NLRP9: variants seen among roughly 807,000 people sequenced by gnomAD.
NLRP9 encodes NACHT, LRR and PYD domains-containing protein 9.
Under a neutral mutation model 83.1 loss-of-function variants are expected in NLRP9, and 88 were observed. That is an observed-to-expected ratio of 1.06 (90% CI 0.89 to 1.26). The LOEUF (loss-of-function observed/expected upper bound fraction) is 1.26, where lower values mean the gene tolerates loss of function less well. Ranked by LOEUF, NLRP9 falls within the 50% of genes most tolerant of loss-of-function variation. The pLI, the probability that NLRP9 is intolerant of heterozygous loss-of-function variation, is 0.00. For synonymous variants in NLRP9, 521 were observed against 447.6 expected, an observed-to-expected ratio of 1.16 and a Z score of -2.07; for missense variants, 1,308 against 1,179.3, an observed-to-expected ratio of 1.11 and a Z score of -1.60.
At chr19:55,712,118 G>A in intron 7 of NLRP9, 148 bp from the exon 8 acceptor site, 2 of 802,510 alleles carry the variant, frequency 2.5e-6, no homozygotes, top group Non-Finnish European at 3.9e-6. Flanking sequence ...GTGCTCCTGG[G>A]GGACGTATGT....
intron 1 of NLRP9, 25 bp from the exon 2 acceptor site, chr19:55,733,575 A>G (rs779075841): frequency 7.6e-7 from 1 of 1,314,630 alleles, no homozygotes; most frequent in Non-Finnish European, 1.1e-6. Context: ...ACAGGATATA[A>G]GATAGGTAAA....
chr19:55,732,908 G>A lies in NLRP9; in HGVS notation c.923C>T (p.Ser308Phe), dbSNP rs762815278. Residue 308 changes from serine (S) to phenylalanine (F), a missense_variant, in exon 2 of 9, where the codon TCC (serine) becomes TTC (phenylalanine). Ser to Phe is a radical substitution (Grantham distance 155). Transcript: ENST00000332836. ...TTTGCTCTTCTCACCAAAGAAGTAG[G>A]AGAAATACGACTTCTTTTCAGATTC... ...FSESEKKSYF[S>F]YFFGEKSKAL... 5.0e-6 allele frequency: 8 copies of A among 1,613,904 alleles called. No individual in the cohort carries two copies. Among genetic ancestry groups the A allele is most frequent in the Non-Finnish European group, 5.9e-6 (7 of 1,179,974 alleles).
At chr19:55,721,687 C>G (rs1256175303) in intron 4 of NLRP9, among the ~76,000 whole-genome samples, 1 of 152,136 alleles carries the variant, frequency 6.6e-6, no homozygotes, top group Non-Finnish European at 1.5e-5. Context: ...AAATCTCATC[C>G]TGTAGCTCCC....
At chr19:55,718,673 A>G in intron 4 of NLRP9, among the ~76,000 whole-genome samples, 1 of 152,220 alleles carries the variant, frequency 6.6e-6, no homozygotes, top group East Asian at 1.9e-4. Flanking sequence ...GCCCAGCCAC[A>G]TTCCCCTCGC....
At chr19:55,712,019 TG>T (rs752376261) in intron 7 of NLRP9, 49 bp from the exon 8 acceptor site, 1 of 1,575,162 alleles carries the variant, frequency 6.3e-7, no homozygotes, top group South Asian at 1.1e-5. Context: ...TTGGGTAGGC[TG>T]GAAGGCACGC....
chr19:55,721,675 C>A (rs1490685855), intron 4 of NLRP9, among the ~76,000 whole-genome samples: 1 of 152,092 alleles, frequency 6.6e-6, no homozygotes, highest in Non-Finnish European at 1.5e-5. Flanking sequence ...GTGTCCCCAC[C>A]CAAATCTCAT....
chr19:55,711,341 TCTAAAGGCAAAC>T (rs1987715442), intron 8 of NLRP9: 1 of 1,123,334 alleles, frequency 8.9e-7, no homozygotes, highest in Non-Finnish European at 1.1e-6. Flanking sequence ...TAGGTACAAC[TCTAAAGGCAAAC>T]CTAATTTTCA....
chr19:55,734,399 T>G (rs1246250754), intron 1 of NLRP9, among the ~76,000 whole-genome samples: 1 of 141,926 alleles, frequency 7.0e-6, no homozygotes, highest in Non-Finnish European at 1.5e-5. Flanking sequence ...AAAAAATTAC[T>G]ATATCAATTG....
chr19:55,719,535 T>A (rs1171741961), intron 4 of NLRP9, among the ~76,000 whole-genome samples: 2 of 152,240 alleles, frequency 1.3e-5, no homozygotes, highest in African/African-American at 2.4e-5. Context: ...ATGGATTGTT[T>A]GCTCTCCATT....
intron 5 of NLRP9, 24 bp downstream of exon 5, chr19:55,716,704 C>T (rs368810625): frequency 9.5e-5 from 153 of 1,604,534 alleles, no homozygotes; most frequent in Non-Finnish European, 1.2e-4. Flanking sequence ...AATCTCCGAA[C>T]GTGCTTCCCG....
intron 3 of NLRP9, among the ~76,000 whole-genome samples, chr19:55,724,886 C>T (rs1335370837): frequency 2.6e-5 from 4 of 151,922 alleles, no homozygotes; most frequent in Non-Finnish European, 5.9e-5. Context: ...GGCGAAACCC[C>T]GTCTCTACTA....
At chr19:55,715,270 A>C in intron 5 of NLRP9, 45 bp from the exon 6 acceptor site, 3 of 1,523,498 alleles carry the variant, frequency 2.0e-6, no homozygotes, top group South Asian at 2.3e-5. Flanking sequence ...ACAGCAGTAC[A>C]TCATTCTGCA....
In NLRP9 at chr19:55,731,991, A is replaced by G; in HGVS notation, c.1832+8T>C. 1 of 1,515,412 alleles carries G rather than the reference A, an allele frequency of 6.6e-7. No homozygotes were observed. Among genetic ancestry groups the G allele is most frequent in the South Asian group, 1.3e-5 (1 of 76,670 alleles). 93.9% of individuals were successfully genotyped at this position (1,515,412 alleles called of 1,614,324 possible). A position where few individuals can be genotyped will look rare whatever the true frequency, so the allele number is the denominator to read the frequency against. ...TGTGTGGGACGGGGGATTAATAGAC[A>G]GACTCACTCTGAGATGCATCCTGAG... On this transcript the variant is annotated splice_region_variant and intron_variant, in intron 2 of 8. Transcript: ENST00000332836.
intron 1 of NLRP9, 100 bp from the exon 2 acceptor site, chr19:55,733,650 G>A: frequency 1.4e-6 from 1 of 711,914 alleles, no homozygotes; most frequent in Non-Finnish European, 2.3e-6. Context: ...ATACTCGCCA[G>A]CCATCTGAAG....
chr19:55,729,464 C>A (rs1179640350), intron 3 of NLRP9, among the ~76,000 whole-genome samples: 1 of 152,064 alleles, frequency 6.6e-6, no homozygotes, highest in Non-Finnish European at 1.5e-5. Flanking sequence ...CAATTCCCAC[C>A]TATGAGTGAG....
At position 55,724,006 on chromosome 19, in the gene NLRP9, A is replaced by T; in HGVS notation, c.2133T>A (p.His711Gln). Reference protein sequence around the residue: ...DIRHLCETLKHPMCKIEELIL... With the variant: ...DIRHLCETLKQPMCKIEELIL... ...TCAGCTCTTCTATCTTGCACATTGG[A>T]TGTTTCAGCGTCTCACACAGGTGTC... The change falls in exon 4 of 9, where the codon CAT (histidine) becomes CAA (glutamine). Residue 711 changes from histidine to glutamine, a missense_variant. Transcript: ENST00000332836. The T allele has an allele frequency of 6.2e-7, 1 of 1,613,888 alleles. No homozygotes were observed. Among genetic ancestry groups the T allele is most frequent in the South Asian group, 1.1e-5 (1 of 91,044 alleles).
intron 7 of NLRP9, 118 bp downstream of exon 7, chr19:55,712,302 G>T (rs1280087269): frequency 1.2e-6 from 1 of 840,026 alleles, no homozygotes; most frequent in Non-Finnish European, 1.9e-6. Flanking sequence ...TTACATATCA[G>T]ATCGTCCCAG....
Position 55,733,207 on chromosome 19 carries a change from C to G in NLRP9, c.624G>C (p.Glu208Asp). ...AAATGTCTTCGATCTTCTCTGAAGACTCCGGCCAGTCCCTAGAGAGGAGCT... is the reference window on the plus strand; with the variant it reads ...AAATGTCTTCGATCTTCTCTGAAGAGTCCGGCCAGTCCCTAGAGAGGAGCT... ...LLELLSRDWP[E>D]SSEKIEDIFS... is the part of the protein sequence containing the mutation. The change falls in exon 2 of 9, where the codon GAG (glutamate) becomes GAC (aspartate). Residue 208 changes from glutamate to aspartate, a missense_variant. By Grantham distance (45) the Glu-to-Asp change is conservative. Coordinates refer to ENST00000332836, the MANE Select transcript of NLRP9 (RefSeq NM_176820.4). The G allele has an allele frequency of 1.9e-6, 3 of 1,613,742 alleles. No homozygotes were observed. Among genetic ancestry groups the G allele is most frequent in the Non-Finnish European group, 2.5e-6 (3 of 1,179,782 alleles).
intron 4 of NLRP9, among the ~76,000 whole-genome samples, chr19:55,718,630 C>T (rs750259503): frequency 6.6e-6 from 1 of 152,340 alleles, no homozygotes; most frequent in East Asian, 1.9e-4. Flanking sequence ...CCTTCGCTCA[C>T]ATGTTTCTCT....
Sources: allele counts gnomAD v4.1 joint callset (sites outside exome capture counted in the v4.1 genomes callset), GRCh38; gene constraint gnomAD v4.1.1; transcripts MANE v1.5; gene names NCBI Gene and HGNC (gene_info 2026-07-23, HGNC 2026-07-21).